The following SNTG1 variants were observed in gnomAD, a reference collection of about 807,000 sequenced individuals.
The protein encoded by SNTG1 is syntrophin gamma 1, also known as gamma-1-syntrophin.
A neutral mutation model predicts 74.7 loss-of-function variants in SNTG1; 39 were observed. The ratio of observed to expected loss-of-function variants is 0.52; its 90% CI spans 0.40 to 0.68. SNTG1 has a LOEUF of 0.68. Among genes scored for constraint, SNTG1 ranks in the 30% least tolerant of loss-of-function variants. SNTG1 has a pLI of 0.00. For synonymous variants in SNTG1, 254 were observed against 217.1 expected, an observed-to-expected ratio of 1.17 and a Z score of -1.49; for missense variants, 685 against 609.5, an observed-to-expected ratio of 1.12 and a Z score of -1.30.
chr8:50,266,801 T>C (rs889253482), intron 2 of SNTG1, among the ~76,000 whole-genome samples: 18 of 151,852 alleles, frequency 1.2e-4, no homozygotes, highest in African/African-American at 4.1e-4. Flanking sequence ...GTGTGATTCT[T>C]GCCCCCCGGT....
intron 15 of SNTG1, among the ~76,000 whole-genome samples, chr8:50,693,659 C>T (rs1386201135): frequency 6.6e-6 from 1 of 152,124 alleles, no homozygotes; most frequent in Non-Finnish European, 1.5e-5. Context: ...CAACAGAATA[C>T]ACATTCTGCT....
chr8:50,257,262 C>T (rs996029971), intron 2 of SNTG1, among the ~76,000 whole-genome samples: 6 of 152,268 alleles, frequency 3.9e-5, no homozygotes, highest in East Asian at 1.9e-4. Context: ...ACCCTATTGT[C>T]CAAACCTAGC....
chr8:50,421,216 G>A (rs755223238), intron 4 of SNTG1, among the ~76,000 whole-genome samples: 2 of 152,074 alleles, frequency 1.3e-5, no homozygotes, highest in African/African-American at 4.8e-5. Context: ...AATCCACAGA[G>A]TAAAATGAAA....
chr8:50,454,401 G>C (rs776546505), intron 8 of SNTG1, among the ~76,000 whole-genome samples: 1 of 152,122 alleles, frequency 6.6e-6, no homozygotes, highest in Non-Finnish European at 1.5e-5. Flanking sequence ...AGAGGCTGAG[G>C]CAGGAGAATT....
chr8:50,137,879 C>T (rs941064995), intron 1 of SNTG1, among the ~76,000 whole-genome samples: 5 of 152,070 alleles, frequency 3.3e-5, no homozygotes, highest in African/African-American at 9.7e-5. Flanking sequence ...AATGGTGACT[C>T]CTCTTGGAGT....
At chr8:50,449,638 A>G (rs1472277886) in intron 5 of SNTG1, 30 bp from the exon 6 acceptor site, 1 of 1,530,000 alleles carries the variant, frequency 6.5e-7, no homozygotes, top group Non-Finnish European at 8.8e-7. Flanking sequence ...TTTAGATTAA[A>G]AAGTACAATA....
In SNTG1 at chr8:50,794,954, A is replaced by C. The variant is rs1022541543; in HGVS notation, c.*2125A>C. ...TAGTGTTATTATGAAAATTTAGCCT[A>C]TGCTCATGTGTGTTACGAAGGAAAA... On this transcript the variant is annotated 3_prime_UTR_variant, in exon 19 of 19. Transcript: ENST00000642720. 5 of 152,052 alleles carry C rather than the reference A, an allele frequency of 3.3e-5. No homozygotes were observed. The highest frequency in any genetic ancestry group is 7.2e-5 in the African/African-American group (3 of 41,434). 9.4% of individuals were successfully genotyped at this position (152,052 alleles called of 1,614,324 possible).
chr8:50,414,027 T>C (rs978440510), intron 4 of SNTG1, among the ~76,000 whole-genome samples: 3 of 152,308 alleles, frequency 2.0e-5, no homozygotes, highest in South Asian at 4.1e-4. Context: ...GTATCTGTAA[T>C]TGCAAGATCT....
chr8:50,449,251 T>C (rs1219111337), intron 5 of SNTG1, among the ~76,000 whole-genome samples: 1 of 152,174 alleles, frequency 6.6e-6, no homozygotes, highest in African/African-American at 2.4e-5. Flanking sequence ...GTCTCTCTAC[T>C]TCCTTGGTAT....
At chr8:50,333,648 G>A (rs2091041946) in intron 2 of SNTG1, among the ~76,000 whole-genome samples, 1 of 152,182 alleles carries the variant, frequency 6.6e-6, no homozygotes, top group Non-Finnish European at 1.5e-5. Flanking sequence ...GATTGTAGCT[G>A]CAAAACTTCT....
At chr8:50,373,332 G>A (rs1332901039) in intron 2 of SNTG1, among the ~76,000 whole-genome samples, 1 of 152,114 alleles carries the variant, frequency 6.6e-6, no homozygotes, top group Non-Finnish European at 1.5e-5. Flanking sequence ...AAATATGGTA[G>A]GTCACTGTTT....
At chr8:49,950,156 T>A (rs1585628532) in intron 1 of SNTG1, among the ~76,000 whole-genome samples, 1 of 152,238 alleles carries the variant, frequency 6.6e-6, no homozygotes, top group East Asian at 1.9e-4. Context: ...AAAATAATTA[T>A]TTAAAAACGC....
At chr8:50,416,287 C>G (rs1301962415) in intron 4 of SNTG1, among the ~76,000 whole-genome samples, 1 of 152,096 alleles carries the variant, frequency 6.6e-6, no homozygotes, top group Admixed American at 6.6e-5. Context: ...AGCATAGTCA[C>G]ACATGTGCAC....
intron 9 of SNTG1, among the ~76,000 whole-genome samples, chr8:50,529,800 G>T (rs1001112434): frequency 1.3e-5 from 2 of 151,902 alleles, no homozygotes; most frequent in African/African-American, 2.4e-5. Context: ...TTTACCACTT[G>T]GTTGAAATAT....
At chr8:49,923,789 T>C (rs1806778623) in intron 1 of SNTG1, among the ~76,000 whole-genome samples, 3 of 152,176 alleles carry the variant, frequency 2.0e-5, no homozygotes, top group African/African-American at 7.2e-5. Flanking sequence ...AACAAAGAGT[T>C]TGTGAGCTGT....
chr8:50,025,734 A>C (rs1273018369), intron 1 of SNTG1, among the ~76,000 whole-genome samples: 1 of 152,188 alleles, frequency 6.6e-6, no homozygotes, highest in East Asian at 1.9e-4. Flanking sequence ...TAAGGTAAAA[A>C]CAGTAGAACC....
chr8:50,193,294 T>C (rs952866004), intron 2 of SNTG1, among the ~76,000 whole-genome samples: 1 of 152,158 alleles, frequency 6.6e-6, no homozygotes, highest in African/African-American at 2.4e-5. Context: ...TGGGATGTGT[T>C]TCCATTTGTT....
At position 50,695,510 on chromosome 8, in the gene SNTG1, T is replaced by C. The variant is rs544421424; in HGVS notation, c.1039-9090T>C. On this transcript the variant is annotated intron_variant, in intron 15 of 18. Transcript: ENST00000642720. ...TTCTTATTTATTTATTTATTTATACTTAGGAAGTACCAGTGTATATTTCTT... is the reference window on the plus strand; with the variant it reads ...TTCTTATTTATTTATTTATTTATACCTAGGAAGTACCAGTGTATATTTCTT... 2.1e-4 allele frequency among the ~76,000 whole-genome samples: 27 copies of C among 128,774 alleles called. 1 individual carries two copies. In the East Asian group the frequency reaches 6.3e-3, roughly 30 times the overall value. The allele number at this position is 128,774 out of a possible 152,430, so 84.5% of individuals were successfully genotyped here.
At chr8:50,033,507 G>C (rs1024582350) in intron 1 of SNTG1, among the ~76,000 whole-genome samples, 1 of 152,210 alleles carries the variant, frequency 6.6e-6, no homozygotes, top group East Asian at 1.9e-4. Flanking sequence ...CAAACACCAC[G>C]GACTGAGCAG....
Sources: allele counts gnomAD v4.1 joint callset (sites outside exome capture counted in the v4.1 genomes callset), GRCh38; gene constraint gnomAD v4.1.1; transcripts MANE v1.5; gene names NCBI Gene and HGNC (gene_info 2026-07-23, HGNC 2026-07-21).